Variants in NEBL observed in about 807,000 individuals in gnomAD.
The protein encoded by NEBL is LIM and SH3 protein 2.
In NEBL, 122 loss-of-function variants were observed where a neutral mutation model predicts 140.2. The observed-to-expected ratio is 0.87, with a 90% CI of 0.75 to 1.01. The LOEUF (loss-of-function observed/expected upper bound fraction) is 1.01, where lower values mean the gene tolerates loss of function less well. Ranked by LOEUF, NEBL falls within the 50% of genes least tolerant of loss-of-function variation. NEBL has a pLI of 0.00. For synonymous variants in NEBL, 436 were observed against 398.9 expected (o/e 1.09, Z -1.11); for missense variants, 1,365 against 1,231.3 (o/e 1.11, Z -1.62).
intron 4 of NEBL, among the ~76,000 whole-genome samples, chr10:20,906,416 T>C (rs1215323631): frequency 1.3e-5 from 2 of 152,198 alleles, no homozygotes; most frequent in African/African-American, 4.8e-5. Context: ...CACTAATTTA[T>C]GAGCCTTATT....
At chr10:20,973,673 A>AT (rs916739409) in intron 3 of NEBL, among the ~76,000 whole-genome samples, 41 of 152,266 alleles carry the variant, frequency 2.7e-4, no homozygotes, top group African/African-American at 9.6e-4. Flanking sequence ...AAGAGGTGCC[A>AT]TTTTTTAATT....
intron 22 of NEBL, among the ~76,000 whole-genome samples, chr10:20,815,325 C>T (rs1409189071): frequency 6.6e-6 from 1 of 152,152 alleles, no homozygotes; most frequent in East Asian, 1.9e-4. Flanking sequence ...ACATCAAAGG[C>T]TTTACCACCT....
At chr10:20,927,066 G>A (rs749820029) in intron 4 of NEBL, among the ~76,000 whole-genome samples, 88 of 152,338 alleles carry the variant, frequency 5.8e-4, no homozygotes, top group African/African-American at 2.0e-3. Context: ...GAGATTTGGA[G>A]AGGAGTTTCA....
At chr10:21,174,038 G>T (rs991488393) in exon 1 of NEBL, 2 of 1,133,030 alleles carry the variant, frequency 1.8e-6, no homozygotes, top group African/African-American at 3.3e-5. Context: ...GCGCTCTCGG[G>T]CTCGCAGGCG....
intron 3 of NEBL, among the ~76,000 whole-genome samples, chr10:21,221,707 G>A (rs764986283): frequency 1.3e-5 from 2 of 152,056 alleles, no homozygotes; most frequent in East Asian, 1.9e-4. Flanking sequence ...GTTTCACCAC[G>A]TTGGCCAGGC....
intron 2 of NEBL, among the ~76,000 whole-genome samples, chr10:21,077,499 C>T (rs1220585964): frequency 2.6e-5 from 4 of 151,794 alleles, no homozygotes; most frequent in African/African-American, 4.8e-5. Flanking sequence ...CCCAGCTACT[C>T]GGGAGGCTGA....
intron 2 of NEBL, among the ~76,000 whole-genome samples, chr10:21,040,492 G>A (rs1299065737): frequency 6.6e-6 from 1 of 152,154 alleles, no homozygotes; most frequent in East Asian, 1.9e-4. Context: ...GGTGAGCGAA[G>A]GAGAAATAGA....
At chr10:21,057,468 G>A (rs895167873) in intron 2 of NEBL, among the ~76,000 whole-genome samples, 2 of 149,600 alleles carry the variant, frequency 1.3e-5, no homozygotes, top group Non-Finnish European at 1.5e-5. Flanking sequence ...TAGAGGTAAA[G>A]GTTACTACAA....
At chr10:20,936,621 A>G (rs1451600852) in intron 4 of NEBL, among the ~76,000 whole-genome samples, 1 of 152,236 alleles carries the variant, frequency 6.6e-6, no homozygotes, top group Non-Finnish European at 1.5e-5. Flanking sequence ...TCTAGTGTAC[A>G]AACATTCCAA....
chr10:20,835,365 T>A, intron 14 of NEBL, 148 bp downstream of exon 14: 1 of 738,452 alleles, frequency 1.4e-6, no homozygotes, highest in Non-Finnish European at 2.4e-6. Flanking sequence ...TTTTTCAAAC[T>A]GGCATAATGC....
At chr10:21,088,631 T>A (rs1836763018) in intron 2 of NEBL, among the ~76,000 whole-genome samples, 1 of 152,124 alleles carries the variant, frequency 6.6e-6, no homozygotes, top group Non-Finnish European at 1.5e-5. Flanking sequence ...TAAATGGAAA[T>A]ACAGTCTACT....
intron 1 of NEBL, among the ~76,000 whole-genome samples, chr10:21,275,767 A>C (rs1483099645): frequency 6.8e-6 from 1 of 147,038 alleles, no homozygotes; most frequent in Non-Finnish European, 1.5e-5. Flanking sequence ...CGGCCTCCCG[A>C]GTAGCTGGGA....
At chr10:21,168,938 A>G (rs1427104355) in intron 2 of NEBL, among the ~76,000 whole-genome samples, 2 of 148,872 alleles carry the variant, frequency 1.3e-5, no homozygotes, top group Non-Finnish European at 3.0e-5. Context: ...AGTCCCAGCT[A>G]CTCGGGAGGC....
At chr10:20,976,885 A>G (rs1836823600) in intron 3 of NEBL, among the ~76,000 whole-genome samples, 1 of 151,216 alleles carries the variant, frequency 6.6e-6, no homozygotes, top group South Asian at 2.1e-4. Context: ...CAATATACCC[A>G]TGTAACAAAC....
intron 2 of NEBL, chr10:21,030,694 A>G: frequency 2.1e-6 from 1 of 484,604 alleles, no homozygotes. Context: ...TGGGAACTCT[A>G]GCCATGGTCC....
At chr10:20,897,415 C>T (rs1847607992), upstream of NEBL, 2 of 1,313,404 alleles carry the variant, frequency 1.5e-6, no homozygotes, top group Non-Finnish European at 1.9e-6. Context: ...AGGCTGGCCT[C>T]ACAAGTGGAA....
chr10:20,942,084 A>T (rs1461342477), intron 4 of NEBL, among the ~76,000 whole-genome samples: 2 of 152,200 alleles, frequency 1.3e-5, no homozygotes, highest in Non-Finnish European at 2.9e-5. Flanking sequence ...ATTGGAAAAA[A>T]CTACTTTAAA....
chr10:20,944,534 C>A (rs144231628), intron 4 of NEBL, among the ~76,000 whole-genome samples: 67 of 152,346 alleles, frequency 4.4e-4, no homozygotes, highest in African/African-American at 1.6e-3. Context: ...TGTAGCATTT[C>A]TCTCTATATT....
At chr10:21,247,231 A>G (rs1450200915) in intron 3 of NEBL, among the ~76,000 whole-genome samples, 1 of 152,224 alleles carries the variant, frequency 6.6e-6, no homozygotes, top group South Asian at 2.1e-4. Flanking sequence ...TATTTATAGC[A>G]GTGTGAGAAC....
Sources: gnomAD v4.1 joint callset for allele counts (sites outside exome capture counted in the v4.1 genomes callset) on GRCh38, gnomAD v4.1.1 for gene constraint, MANE v1.5 for transcripts, NCBI Gene and HGNC (gene_info 2026-07-23, HGNC 2026-07-21) for gene names.